RGS6: variants seen among roughly 807,000 people sequenced by gnomAD.
RGS6 encodes the protein regulator of G protein signaling 6.
In RGS6, 30 loss-of-function variants were observed where a neutral mutation model predicts 78.5. That is an observed-to-expected ratio of 0.38 (90% CI 0.29 to 0.52). RGS6 has a LOEUF of 0.52. Ranked by LOEUF, RGS6 falls within the 20% of genes least tolerant of loss-of-function variation. The pLI, the probability that RGS6 is intolerant of heterozygous loss-of-function variation, is 0.85. For synonymous variants in RGS6, 206 were observed against 206.0 expected, an observed-to-expected ratio of 1.00 and a Z score of 0.00; for missense variants, 495 against 609.7, an observed-to-expected ratio of 0.81 and a Z score of 1.98.
Position 72,161,817 on chromosome 14 carries a change from T to A in RGS6, c.85-190278T>A, listed in dbSNP as rs17108329. On this transcript the variant is annotated intron_variant, in intron 2 of 17. Transcript: ENST00000553525. ...ATCAACTAGAGTGCTGGATAACAGA[T>A]GAGAAAAAGCTAAGTTTGAGTTGTC... Among the ~76,000 whole-genome samples, 1,014 of 152,316 alleles carry A rather than the reference T, an allele frequency of 6.7e-3. 32 individuals are homozygous for A. Among genetic ancestry groups the A allele is most frequent in the Admixed American group, 0.059 (903 of 15,302 alleles).
the RGS6 span, among the ~76,000 whole-genome samples, chr14:71,875,803 C>T: frequency 1.3e-5 from 2 of 152,298 alleles, no homozygotes; most frequent in South Asian, 2.1e-4. Flanking sequence ...TTTCCCTCTA[C>T]ACACTGCTTT....
intron 12 of RGS6, among the ~76,000 whole-genome samples, chr14:72,478,747 G>C (rs1345536250): frequency 6.6e-6 from 1 of 152,190 alleles, no homozygotes; most frequent in East Asian, 1.9e-4. Context: ...GAGGGGACTG[G>C]ATCATCGGGA....
At chr14:72,097,714 G>T (rs916520078) in intron 2 of RGS6, among the ~76,000 whole-genome samples, 1 of 152,188 alleles carries the variant, frequency 6.6e-6, no homozygotes, top group Non-Finnish European at 1.5e-5. Context: ...ACTTAGCCCA[G>T]ATGCAGCCCA....
intron 2 of RGS6, among the ~76,000 whole-genome samples, chr14:72,264,254 A>C (rs1406640164): frequency 6.6e-6 from 1 of 152,256 alleles, no homozygotes; most frequent in Non-Finnish European, 1.5e-5. Flanking sequence ...CTCAGCAGCT[A>C]GGACTGGTCT....
chr14:72,350,350 C>T (rs1370531299), intron 2 of RGS6, among the ~76,000 whole-genome samples: 1 of 152,104 alleles, frequency 6.6e-6, no homozygotes, highest in East Asian at 1.9e-4. Flanking sequence ...CTTGGCTGCA[C>T]ACCTGGGTAG....
At chr14:72,421,037 C>G (rs2094148612) in intron 3 of RGS6, 1 of 151,972 alleles carries the variant, frequency 6.6e-6, no homozygotes, top group African/African-American at 2.4e-5. Flanking sequence ...GCCCAAATCA[C>G]TTCTGCTTTC....
intron 2 of RGS6, among the ~76,000 whole-genome samples, chr14:71,993,416 A>G (rs146477831): frequency 0.014 from 2,166 of 152,292 alleles, 20 homozygotes; most frequent in Non-Finnish European, 0.024. Flanking sequence ...AATAATAGTA[A>G]TAATAATGAA....
intron 4 of RGS6, 123 bp downstream of exon 4, chr14:72,454,701 T>G: frequency 1.5e-6 from 1 of 686,470 alleles, no homozygotes; most frequent in Non-Finnish European, 2.6e-6. Context: ...TTCCAAGACG[T>G]GGAATCACTC....
chr14:72,470,647 G>GC (rs201715633), intron 8 of RGS6, among the ~76,000 whole-genome samples: 7 of 152,042 alleles, frequency 4.6e-5, no homozygotes, highest in South Asian at 2.1e-4. Context: ...TGAGACCGAG[G>GC]TGGGGGTGGA....
the RGS6 span, among the ~76,000 whole-genome samples, chr14:71,906,408 G>A: frequency 6.6e-6 from 1 of 152,302 alleles, no homozygotes; most frequent in African/African-American, 2.4e-5. Flanking sequence ...CAGGGGAACG[G>A]GGCAGACTGG....
intron 17 of RGS6, chr14:72,541,469 G>A: frequency 6.5e-7 from 1 of 1,535,580 alleles, no homozygotes; most frequent in Non-Finnish European, 8.7e-7. Context: ...TGAGAAATCA[G>A]AATGTGCAGA....
At chr14:72,080,293 T>G (rs2094763943) in intron 2 of RGS6, among the ~76,000 whole-genome samples, 1 of 152,158 alleles carries the variant, frequency 6.6e-6, no homozygotes, top group Middle Eastern at 3.2e-3. Flanking sequence ...TTGTTATTTT[T>G]TTTTCATATA....
rs149998903 is a variant in RGS6 at position 71,940,003 on chromosome 14, A to C, written c.-21+7062A>C. Among the ~76,000 whole-genome samples the C allele has an allele frequency of 1.5e-3, 226 of 152,326 alleles. 3 individuals are homozygous for C. Among genetic ancestry groups the C allele is most frequent in the African/African-American group, 5.1e-3 (214 of 41,564 alleles). Reference sequence around the variant, plus strand: ...CCAGCTGCTAAGTATGCCTATGCCAATTATGCATTCTGGCCCTGGGGAAAT... The same window carrying C: ...CCAGCTGCTAAGTATGCCTATGCCACTTATGCATTCTGGCCCTGGGGAAAT... On this transcript the variant is annotated intron_variant, in intron 1 of 17. Coordinates refer to ENST00000553525, the MANE Select transcript of RGS6 (RefSeq NM_001204424.2).
intron 15 of RGS6, among the ~76,000 whole-genome samples, chr14:72,519,208 T>C (rs2096995711): frequency 6.6e-6 from 1 of 152,196 alleles, no homozygotes; most frequent in African/African-American, 2.4e-5. Flanking sequence ...CAGATGCTAG[T>C]GATGCTGGCT....
At chr14:72,194,654 G>A (rs2039576208) in intron 2 of RGS6, among the ~76,000 whole-genome samples, 1 of 152,112 alleles carries the variant, frequency 6.6e-6, no homozygotes, top group African/African-American at 2.4e-5. Context: ...GAGCTACTGT[G>A]CCCGGCCTGG....
At chr14:72,583,678 GC>G in the RGS6 span, among the ~76,000 whole-genome samples, 1 of 152,308 alleles carries the variant, frequency 6.6e-6, no homozygotes, top group Non-Finnish European at 1.5e-5. Context: ...TCTTGGGCCA[GC>G]TTTTCTGCCA....
At chr14:72,296,707 G>C (rs79279265) in intron 2 of RGS6, among the ~76,000 whole-genome samples, 3 of 152,000 alleles carry the variant, frequency 2.0e-5, no homozygotes, top group Non-Finnish European at 4.4e-5. Flanking sequence ...TAAGATACAG[G>C]TCTGGGAAAT....
chr14:72,554,805 C>G (rs1287558649), intron 17 of RGS6, among the ~76,000 whole-genome samples: 3 of 152,180 alleles, frequency 2.0e-5, no homozygotes, highest in Non-Finnish European at 4.4e-5. Flanking sequence ...TGCAGAGTAG[C>G]AGGGAAAATG....
chr14:71,891,697 G>A, the RGS6 span, among the ~76,000 whole-genome samples: 32 of 152,138 alleles, frequency 2.1e-4, no homozygotes, highest in African/African-American at 7.2e-4. Flanking sequence ...AACCCAAACC[G>A]CTACAGTCCT....
Sources: allele counts gnomAD v4.1 joint callset (sites outside exome capture counted in the v4.1 genomes callset), GRCh38; gene constraint gnomAD v4.1.1; transcripts MANE v1.5; gene names NCBI Gene and HGNC (gene_info 2026-07-23, HGNC 2026-07-21).